The following SUSD1 variants were observed in gnomAD, a reference collection of about 807,000 sequenced individuals.
SUSD1 encodes the protein sushi domain containing 1, also known as sushi domain-containing protein 1.
SUSD1 carries 65 observed loss-of-function variants against 86.9 expected under a neutral mutation model. The observed-to-expected ratio is 0.75, with a 90% CI of 0.61 to 0.92. The LOEUF (loss-of-function observed/expected upper bound fraction) is 0.92. Among genes scored for constraint, SUSD1 ranks in the 40% least tolerant of loss-of-function variants. The pLI, the probability that SUSD1 is intolerant of heterozygous loss-of-function variation, is 0.00. For missense variants in SUSD1, 850 were observed against 929.7 expected, an observed-to-expected ratio of 0.91 and a Z score of 1.11; for synonymous variants, 346 against 350.0, an observed-to-expected ratio of 0.99 and a Z score of 0.13.
chr9:112,165,047 A>G (rs1426427820), intron 1 of SUSD1, among the ~76,000 whole-genome samples: 1 of 152,250 alleles, frequency 6.6e-6, no homozygotes, highest in Non-Finnish European at 1.5e-5. Flanking sequence ...GGAGCCCTAT[A>G]TTTTGGATTT....
chr9:112,106,983 G>C (rs920315688), intron 8 of SUSD1, among the ~76,000 whole-genome samples: 1 of 151,882 alleles, frequency 6.6e-6, no homozygotes, highest in African/African-American at 2.4e-5. Flanking sequence ...GGAAAAAACA[G>C]TCCAGGAGCA....
intron 6 of SUSD1, 128 bp downstream of exon 6, chr9:112,124,129 C>T: frequency 1.2e-6 from 1 of 853,912 alleles, no homozygotes; most frequent in Non-Finnish European, 1.7e-6. Flanking sequence ...AAGCCAGGTG[C>T]ACAACCAGGT....
chr9:112,058,485 G>A lies in SUSD1; in HGVS notation c.2052C>T (p.Pro684=). The A allele has an allele frequency of 6.2e-7, 1 of 1,614,056 alleles. No homozygotes were observed. The highest frequency in any genetic ancestry group is 2.2e-5 in the East Asian group (1 of 44,878). Residue 684 remains proline (P), a synonymous_variant, in exon 14 of 17, where the codon CCC becomes CCT. Coordinates refer to ENST00000374270, the MANE Select transcript of SUSD1 (RefSeq NM_022486.5). ...TGCAGTAATCACTCCCTCTTTTCAA[G>A]GGTGCATTATAATATTCCCCATAGT... The part of the protein sequence containing the change: ...RLYYGEYYNA[P]LKRGSDYCII...
intron 1 of SUSD1, among the ~76,000 whole-genome samples, chr9:112,163,145 GGTTT>G (rs781030449): frequency 5.9e-5 from 9 of 151,792 alleles, no homozygotes; most frequent in Non-Finnish European, 1.0e-4. Flanking sequence ...TCATCACTTT[GGTTT>G]GTTTGTTTGT....
In SUSD1 at chr9:112,086,562, G is replaced by GAAAGAAAGAA. The variant is rs1437452928; in HGVS notation, c.1475-6398_1475-6397insTTCTTTCTTT. 6.3e-3 allele frequency among the ~76,000 whole-genome samples: 828 copies of GAAAGAAAGAA among 131,030 alleles called. 22 individuals are homozygous for GAAAGAAAGAA. Among genetic ancestry groups the GAAAGAAAGAA allele is most frequent in the African/African-American group, 0.026 (768 of 29,264 alleles). The allele number at this position is 131,030 out of a possible 152,430, so 86.0% of individuals were successfully genotyped here. A position where few individuals can be genotyped will look rare whatever the true frequency, so the allele number is the denominator to read the frequency against. On this transcript the variant is annotated intron_variant, in intron 10 of 16. Coordinates refer to ENST00000374270, the MANE Select transcript of SUSD1 (RefSeq NM_022486.5). ...AAAAAGAAAGAAAGAAAGAAAGAAAGAGAGAGAGAGAGAGAGAGAGAGATC... is the reference window on the plus strand; with the variant it reads ...AAAAAGAAAGAAAGAAAGAAAGAAAGAAAGAAAGAAAGAGAGAGAGAGAGAGAGAGAGATC...
chr9:112,097,027 A>T (rs557407834), intron 10 of SUSD1, among the ~76,000 whole-genome samples: 4 of 151,848 alleles, frequency 2.6e-5, no homozygotes, highest in Non-Finnish European at 4.4e-5. Flanking sequence ...GATAAAAAAA[A>T]TAGGATAAAA....
At chr9:112,100,479 C>T (rs1360281084) in intron 9 of SUSD1, among the ~76,000 whole-genome samples, 1 of 152,158 alleles carries the variant, frequency 6.6e-6, no homozygotes, top group Non-Finnish European at 1.5e-5. Flanking sequence ...AGCCACCACG[C>T]CTGGCCAATT....
intron 7 of SUSD1, among the ~76,000 whole-genome samples, chr9:112,112,402 A>G (rs761098955): frequency 3.3e-5 from 5 of 152,120 alleles, no homozygotes; most frequent in Non-Finnish European, 5.9e-5. Context: ...TGGGAGGCCG[A>G]GGTAGGTGGA....
chr9:112,083,675 G>A (rs1829861015), intron 10 of SUSD1, among the ~76,000 whole-genome samples: 1 of 152,098 alleles, frequency 6.6e-6, no homozygotes, highest in Non-Finnish European at 1.5e-5. Context: ...TTTCTTCACG[G>A]TCAGAATATA....
At chr9:112,049,210 T>C (rs935222238) in intron 15 of SUSD1, among the ~76,000 whole-genome samples, 3 of 152,156 alleles carry the variant, frequency 2.0e-5, no homozygotes, top group Non-Finnish European at 4.4e-5. Flanking sequence ...AGGTGCTAAA[T>C]GTGGGCTGAA....
chr9:112,055,064 C>T lies in SUSD1; in HGVS notation c.2110-2626G>A, dbSNP rs144587046. Among the ~76,000 whole-genome samples, 783 of 152,248 alleles carry T rather than the reference C, an allele frequency of 5.1e-3. 9 individuals are homozygous for T. Among genetic ancestry groups the T allele is most frequent in the African/African-American group, 0.018 (745 of 41,544 alleles). ...TCTCTAAAGAAGACACACAAATGGCCGATTAGCCCATGAAAACATGGTCAG... is the reference window on the plus strand; with the variant it reads ...TCTCTAAAGAAGACACACAAATGGCTGATTAGCCCATGAAAACATGGTCAG... On this transcript the variant is annotated intron_variant, in intron 14 of 16. Transcript: ENST00000374270.
chr9:112,160,168 G>A lies in SUSD1; in HGVS notation c.104-2555C>T, dbSNP rs555536632. 7.9e-5 allele frequency among the ~76,000 whole-genome samples: 12 copies of A among 152,268 alleles called. No homozygotes were observed. The East Asian group carries it at 2.3e-3, about 29-fold the overall frequency. On this transcript the variant is annotated intron_variant, in intron 1 of 16. Transcript: ENST00000374270. Reference sequence around the variant, plus strand: ...GAAAATATTATCAAATGCACTGGGGGAAAATTACATAAAAGACTAGGAAGG... The same window carrying A: ...GAAAATATTATCAAATGCACTGGGGAAAAATTACATAAAAGACTAGGAAGG...
At chr9:112,042,345 A>G (rs922755121) in intron 15 of SUSD1, among the ~76,000 whole-genome samples, 3 of 152,080 alleles carry the variant, frequency 2.0e-5, no homozygotes, top group African/African-American at 7.2e-5. Context: ...AGTCATTATG[A>G]TATTATTTGA....
intron 10 of SUSD1, among the ~76,000 whole-genome samples, chr9:112,090,896 A>G (rs1830179135): frequency 6.6e-6 from 1 of 152,218 alleles, no homozygotes; most frequent in Non-Finnish European, 1.5e-5. Flanking sequence ...GCATGATTAG[A>G]AAATGAAGGT....
intron 15 of SUSD1, among the ~76,000 whole-genome samples, chr9:112,050,000 T>C (rs75655063): frequency 0.02 from 3,041 of 152,322 alleles, 135 homozygotes; most frequent in African/African-American, 0.07. Context: ...TCTACCCAGT[T>C]TGAATGTCTT....
At chr9:112,170,461 T>C (rs1458175143) in intron 1 of SUSD1, among the ~76,000 whole-genome samples, 1 of 151,886 alleles carries the variant, frequency 6.6e-6, no homozygotes, top group Non-Finnish European at 1.5e-5. Context: ...GTTCTACCCC[T>C]CCTCGCCCAT....
intron 10 of SUSD1, among the ~76,000 whole-genome samples, chr9:112,087,783 C>T (rs1439105791): frequency 6.6e-6 from 1 of 152,088 alleles, no homozygotes; most frequent in Non-Finnish European, 1.5e-5. Flanking sequence ...AGAAGATAAA[C>T]AAGCATGAAA....
intron 14 of SUSD1, among the ~76,000 whole-genome samples, chr9:112,056,281 CAG>C (rs1828444853): frequency 1.3e-5 from 2 of 150,696 alleles, no homozygotes; most frequent in Non-Finnish European, 3.0e-5. Context: ...AAAAAAAAGA[CAG>C]AAAGTAGAAT....
intron 5 of SUSD1, among the ~76,000 whole-genome samples, chr9:112,132,757 GATTATAAACATT>G (rs1324407595): frequency 6.6e-6 from 1 of 152,150 alleles, no homozygotes; most frequent in African/African-American, 2.4e-5. Flanking sequence ...CAGTCCTTTG[GATTATAAACATT>G]ATTTTAAACA....
Sources: gnomAD v4.1 joint callset for allele counts (sites outside exome capture counted in the v4.1 genomes callset) on GRCh38, gnomAD v4.1.1 for gene constraint, MANE v1.5 for transcripts, NCBI Gene and HGNC (gene_info 2026-07-23, HGNC 2026-07-21) for gene names.